SLC25A48: variants seen among roughly 807,000 people sequenced by gnomAD.
The protein encoded by SLC25A48 is solute carrier family 25 member 48, also known as CTC-321K16.1.
A neutral mutation model predicts 32.2 loss-of-function variants in SLC25A48; 29 were observed. The ratio of observed to expected loss-of-function variants is 0.90; its 90% CI spans 0.67 to 1.23. SLC25A48 has a LOEUF of 1.23. SLC25A48 is among the 50% of genes most tolerant of loss of function. SLC25A48 has a pLI of 0.00. For synonymous variants in SLC25A48, 164 were observed against 172.3 expected (o/e 0.95, Z 0.38); for missense variants, 399 against 422.7 (o/e 0.94, Z 0.49).
At chr5:135,724,313 G>C (rs926313366) in intron 3 of SLC25A48, among the ~76,000 whole-genome samples, 1 of 152,230 alleles carries the variant, frequency 6.6e-6, no homozygotes, top group African/African-American at 2.4e-5. Flanking sequence ...TGTTGAAGTG[G>C]CTTGTTCAAA....
rs1197554821 is a variant in SLC25A48 at position 135,603,313 on chromosome 5, C to A, written c.-849+23716C>A. On this transcript the variant is annotated intron_variant, in intron 1 of 10. Coordinates refer to the SLC25A48 transcript ENST00000646290. ...CAAACCCTGCACCTGCACCCTGCAG[C>A]CTCACAGCTGCAGTGGGATTGCTTT... 4.4e-4 allele frequency among the ~76,000 whole-genome samples: 67 copies of A among 152,240 alleles called. 1 individual carries two copies.
chr5:135,850,166 A>G (rs4976497), intron 2 of SLC25A48, among the ~76,000 whole-genome samples: 96,383 of 152,046 alleles, frequency 0.63, 30,716 homozygotes, highest in South Asian at 0.7. Flanking sequence ...GGTGGGGATC[A>G]TACAATCATT....
At chr5:135,878,999 C>T (rs1762247183) in intron 6 of SLC25A48, among the ~76,000 whole-genome samples, 1 of 152,130 alleles carries the variant, frequency 6.6e-6, no homozygotes, top group African/African-American at 2.4e-5. Context: ...AATCCCATCA[C>T]ATTTATGAGC....
chr5:135,881,358 C>T (rs187983091), intron 7 of SLC25A48, among the ~76,000 whole-genome samples: 12 of 152,326 alleles, frequency 7.9e-5, no homozygotes, highest in Middle Eastern at 3.4e-3. Flanking sequence ...CCAGGGTGCA[C>T]GGGTGGTGCC....
chr5:135,732,177 G>C (rs1755241164), intron 3 of SLC25A48, among the ~76,000 whole-genome samples: 1 of 152,242 alleles, frequency 6.6e-6, no homozygotes, highest in African/African-American at 2.4e-5. Context: ...GTTTTTAAAA[G>C]ACCATTAGTC....
intron 1 of SLC25A48, among the ~76,000 whole-genome samples, chr5:135,625,056 C>T (rs964371953): frequency 6.6e-6 from 1 of 152,098 alleles, no homozygotes; most frequent in Non-Finnish European, 1.5e-5. Context: ...GAGGTCCTCA[C>T]TGTCTTTTTT....
In SLC25A48 at chr5:135,665,954, C is replaced by G. The variant is rs573750037; in HGVS notation, c.-521+30998C>G. Among the ~76,000 whole-genome samples the G allele has an allele frequency of 2.0e-5, 3 of 152,252 alleles. No homozygotes were observed. The South Asian group carries it at 6.2e-4, about 32-fold the overall frequency. ...ACTTATTTGGGTACTTTTTTCCTCT[C>G]TCTCTCTAATGTGGACTGTCCTTGA... On this transcript the variant is annotated intron_variant, in intron 3 of 10. Transcript: ENST00000646290.
chr5:135,710,482 A>G (rs1402775920), intron 3 of SLC25A48, among the ~76,000 whole-genome samples: 10 of 152,204 alleles, frequency 6.6e-5, no homozygotes, highest in Non-Finnish European at 2.9e-5. Context: ...GGCTTATGTC[A>G]TGAAACAAGT....
intron 3 of SLC25A48, among the ~76,000 whole-genome samples, chr5:135,746,719 C>A (rs570230035): frequency 2.0e-5 from 3 of 152,136 alleles, no homozygotes; most frequent in African/African-American, 4.8e-5. Flanking sequence ...GATTTAATAT[C>A]GATGCAGTAC....
At chr5:135,628,605 C>T (rs1317208113) in intron 1 of SLC25A48, among the ~76,000 whole-genome samples, 1 of 152,102 alleles carries the variant, frequency 6.6e-6, no homozygotes, top group African/African-American at 2.4e-5. Context: ...AGGGAGGTGA[C>T]GTTGGGCAGA....
Position 135,852,448 on chromosome 5 carries a change from C to T in SLC25A48, c.163-115C>T, listed in dbSNP as rs867171543. ...CTCCTGTCGCATCAGCACCCTCTTC[C>T]CCTCTCTTCATGGACACATGGGCAG... On this transcript the variant is annotated intron_variant, in intron 3 of 7. Coordinates refer to ENST00000681962, the MANE Select transcript of SLC25A48 (RefSeq NM_001349336.2). The T allele has an allele frequency of 1.1e-5, 15 of 1,304,354 alleles. No homozygotes were observed. In the Middle Eastern group the frequency reaches 5.9e-4, roughly 51 times the overall value. 80.8% of individuals were successfully genotyped at this position (1,304,354 alleles called of 1,614,324 possible).
chr5:135,686,291 G>C (rs1026787398), intron 3 of SLC25A48, among the ~76,000 whole-genome samples: 1 of 152,160 alleles, frequency 6.6e-6, no homozygotes, highest in Non-Finnish European at 1.5e-5. Context: ...TTGTAGAGAG[G>C]ATTAAATTAT....
At chr5:135,868,732 A>G (rs996263879) in intron 4 of SLC25A48, among the ~76,000 whole-genome samples, 7 of 152,190 alleles carry the variant, frequency 4.6e-5, no homozygotes, top group African/African-American at 1.7e-4. Flanking sequence ...GGAAGAAAAG[A>G]AGAAAAAGGA....
At chr5:135,712,573 G>A (rs189588315) in intron 3 of SLC25A48, among the ~76,000 whole-genome samples, 2 of 152,298 alleles carry the variant, frequency 1.3e-5, no homozygotes, top group East Asian at 3.9e-4. Context: ...TAGGCTCCAA[G>A]AGTTGATACC....
chr5:135,740,448 G>C (rs558896818), intron 3 of SLC25A48, among the ~76,000 whole-genome samples: 3 of 152,132 alleles, frequency 2.0e-5, no homozygotes, highest in African/African-American at 4.8e-5. Context: ...ACCTGCCTTG[G>C]GCGGGGGGTG....
intron 3 of SLC25A48, among the ~76,000 whole-genome samples, chr5:135,697,752 G>C (rs530840624): frequency 2.6e-4 from 39 of 152,186 alleles, no homozygotes; most frequent in Admixed American, 1.8e-3. Context: ...TTCTCCCAGG[G>C]CCTGAAAGAG....
intron 3 of SLC25A48, among the ~76,000 whole-genome samples, chr5:135,658,915 G>T (rs1244492749): frequency 6.6e-6 from 1 of 152,226 alleles, no homozygotes; most frequent in East Asian, 1.9e-4. Context: ...CAGAGCAGCG[G>T]GGCCCTGGGT....
At chr5:135,694,356 G>A (rs547255432) in intron 3 of SLC25A48, among the ~76,000 whole-genome samples, 5 of 152,272 alleles carry the variant, frequency 3.3e-5, no homozygotes, top group Non-Finnish European at 7.3e-5. Context: ...CATTTGAACC[G>A]TTTCCACCTT....
chr5:135,700,072 T>C (rs919833370), intron 3 of SLC25A48, among the ~76,000 whole-genome samples: 8 of 152,118 alleles, frequency 5.3e-5, no homozygotes, highest in African/African-American at 1.9e-4. Flanking sequence ...CACATGGCCT[T>C]GCAGTCCTGC....
Sources: gnomAD v4.1 joint callset for allele counts (sites outside exome capture counted in the v4.1 genomes callset) on GRCh38, gnomAD v4.1.1 for gene constraint, MANE v1.5 for transcripts, NCBI Gene and HGNC (gene_info 2026-07-23, HGNC 2026-07-21) for gene names.